Variants in C12orf42 observed in about 807,000 individuals in gnomAD.
C12orf42 encodes the protein chromosome 12 open reading frame 42, also known as uncharacterized protein C12orf42.
C12orf42 carries 25 observed loss-of-function variants against 21.6 expected under a neutral mutation model. That is an observed-to-expected ratio of 1.16 (90% CI 0.84 to 1.62). The LOEUF (loss-of-function observed/expected upper bound fraction) is 1.62, where lower values mean the gene tolerates loss of function less well. Ranked by LOEUF, C12orf42 falls within the 40% of genes most tolerant of loss-of-function variation. C12orf42 has a pLI of 0.00. For synonymous variants in C12orf42, 174 were observed against 175.0 expected (o/e 0.99, Z 0.05); for missense variants, 483 against 459.3 (o/e 1.05, Z -0.47).
At chr12:103,539,814 C>T in the C12orf42 span, among the ~76,000 whole-genome samples, 4 of 151,914 alleles carry the variant, frequency 2.6e-5, no homozygotes, top group Admixed American at 6.6e-5. Context: ...CTCCTGACCT[C>T]GTGATTCGCC....
Position 103,273,948 on chromosome 12 carries a change from T to G in C12orf42, n.398+3202A>C. 2 of 455,920 alleles carry G rather than the reference T, an allele frequency of 4.4e-6. 1 individual carries two copies. Among genetic ancestry groups the G allele is most frequent in the Admixed American group, 4.7e-5 (2 of 42,558 alleles). The allele number at this position is 455,920 out of a possible 1,614,324, so 28.2% of individuals were successfully genotyped here. ...CTTTTCGCATACTCACAGTAAGTAC[T>G]CAGTGTGCTGTCCAGGGTCAAGAAA... On this transcript the variant is annotated intron_variant and non_coding_transcript_variant, in intron 5 of 6. Coordinates refer to the C12orf42 transcript ENST00000546526.
chr12:103,287,544 A>G (rs553719305), intron 4 of C12orf42, among the ~76,000 whole-genome samples: 3 of 152,020 alleles, frequency 2.0e-5, no homozygotes, highest in Non-Finnish European at 4.4e-5. Context: ...ATCACACACC[A>G]GGGACTGTTG....
At chr12:103,279,326 T>C (rs1221697123) in intron 4 of C12orf42, among the ~76,000 whole-genome samples, 2 of 152,210 alleles carry the variant, frequency 1.3e-5, no homozygotes, top group African/African-American at 4.8e-5. Flanking sequence ...GATGTATGCA[T>C]GTATTCAAAC....
At chr12:103,075,965 A>G in the C12orf42 span, among the ~76,000 whole-genome samples, 4 of 152,156 alleles carry the variant, frequency 2.6e-5, no homozygotes, top group African/African-American at 9.7e-5. Flanking sequence ...ACAGAAGGAA[A>G]GTAATTGAGT....
downstream of C12orf42, among the ~76,000 whole-genome samples, chr12:103,234,639 T>C (rs1397211145): frequency 2.0e-5 from 3 of 152,126 alleles, no homozygotes; most frequent in Non-Finnish European, 4.4e-5. Context: ...ACTAATACAT[T>C]GGACCACTTA....
intron 3 of C12orf42, among the ~76,000 whole-genome samples, chr12:103,398,588 C>T (rs2047726146): frequency 6.6e-6 from 1 of 151,996 alleles, no homozygotes; most frequent in Admixed American, 6.6e-5. Flanking sequence ...GTTTATACCC[C>T]TCAGATCATA....
At chr12:103,051,320 T>TA in the C12orf42 span, among the ~76,000 whole-genome samples, 1 of 152,162 alleles carries the variant, frequency 6.6e-6, no homozygotes, top group Admixed American at 6.5e-5. Context: ...TCGGTTATAT[T>TA]AGAGTTCAGG....
At chr12:103,421,523 A>G (rs979123101) in intron 2 of C12orf42, among the ~76,000 whole-genome samples, 1 of 151,980 alleles carries the variant, frequency 6.6e-6, no homozygotes, top group Non-Finnish European at 1.5e-5. Flanking sequence ...ACAGAGAGCC[A>G]TAATCTCACC....
chr12:103,507,084 AT>A, the C12orf42 span, among the ~76,000 whole-genome samples: 16 of 12,212 alleles, frequency 1.3e-3, no homozygotes, highest in African/African-American at 9.8e-3. Context: ...ATATTTATAT[AT>A]AATATATATT....
At chr12:103,370,922 A>C (rs1593662431) in intron 3 of C12orf42, among the ~76,000 whole-genome samples, 1 of 152,270 alleles carries the variant, frequency 6.6e-6, no homozygotes, top group East Asian at 1.9e-4. Context: ...AAAACCACTC[A>C]TTAAACATGT....
chr12:103,061,774 T>C, the C12orf42 span, among the ~76,000 whole-genome samples: 3 of 152,000 alleles, frequency 2.0e-5, no homozygotes, highest in Non-Finnish European at 2.9e-5. Context: ...AGGTATCTCT[T>C]ATAAGGCACA....
chr12:103,229,084 C>T, the C12orf42 span, among the ~76,000 whole-genome samples: 1 of 152,166 alleles, frequency 6.6e-6, no homozygotes, highest in African/African-American at 2.4e-5. Context: ...TCCTCAACAA[C>T]ATATGTTCTC....
At chr12:103,531,909 A>G in the C12orf42 span, among the ~76,000 whole-genome samples, 1 of 152,354 alleles carries the variant, frequency 6.6e-6, no homozygotes, top group Middle Eastern at 3.4e-3. Flanking sequence ...TACAGTTTAT[A>G]TATAACTTAG....
chr12:103,093,130 A>C, the C12orf42 span, among the ~76,000 whole-genome samples: 2 of 152,226 alleles, frequency 1.3e-5, no homozygotes, highest in Non-Finnish European at 2.9e-5. Flanking sequence ...AAAACTTTGA[A>C]TCAATCTCAA....
At chr12:103,263,888 C>A (rs1398294332), downstream of C12orf42, among the ~76,000 whole-genome samples, 1 of 152,138 alleles carries the variant, frequency 6.6e-6, no homozygotes, top group African/African-American at 2.4e-5. Flanking sequence ...ATTCCCTTCA[C>A]TTATGTGCTT....
intron 2 of C12orf42, among the ~76,000 whole-genome samples, chr12:103,444,015 C>T (rs931965385): frequency 4.6e-5 from 7 of 151,894 alleles, no homozygotes; most frequent in African/African-American, 1.7e-4. Context: ...TTACCTGTGC[C>T]ATTTGTCTCC....
intron 10 of C12orf42, among the ~76,000 whole-genome samples, chr12:103,238,499 T>G (rs1284890432): frequency 5.3e-5 from 8 of 152,176 alleles, no homozygotes; most frequent in Non-Finnish European, 1.0e-4. Context: ...CACTAGAGTT[T>G]GGGCACCACT....
chr12:103,485,440 G>A (rs1044036432), intron 1 of C12orf42, among the ~76,000 whole-genome samples: 6 of 152,188 alleles, frequency 3.9e-5, no homozygotes, highest in Non-Finnish European at 8.8e-5. Context: ...GCTTAGGATT[G>A]TCTTGGCAAT....
the C12orf42 span, among the ~76,000 whole-genome samples, chr12:103,219,579 G>A: frequency 3.3e-5 from 5 of 151,862 alleles, no homozygotes; most frequent in Admixed American, 1.3e-4. Context: ...AAACAAATAA[G>A]CCCATCAAAA....
Sources: allele counts gnomAD v4.1 joint callset (sites outside exome capture counted in the v4.1 genomes callset), GRCh38; gene constraint gnomAD v4.1.1; transcripts MANE v1.5; gene names NCBI Gene and HGNC (gene_info 2026-07-23, HGNC 2026-07-21).